The following ARSG variants were observed in gnomAD, a reference collection of about 807,000 sequenced individuals.
The protein encoded by ARSG is arylsulfatase G, also known as ASG.
ARSG carries 37 observed loss-of-function variants against 50.5 expected under a neutral mutation model. The ratio of observed to expected loss-of-function variants is 0.73; its 90% confidence interval spans 0.56 to 0.96. The LOEUF (loss-of-function observed/expected upper bound fraction) is 0.96. Ranked by LOEUF, ARSG falls within the 50% of genes least tolerant of loss-of-function variation. ARSG has a pLI of 0.00. For missense variants in ARSG, 629 were observed against 675.3 expected (o/e 0.93, Z 0.76); for synonymous variants, 225 against 254.6 (o/e 0.88, Z 1.11).
chr17:68,264,771 T>C (rs547079728), intron 1 of ARSG, among the ~76,000 whole-genome samples: 1 of 152,282 alleles, frequency 6.6e-6, no homozygotes, highest in East Asian at 1.9e-4. Flanking sequence ...ATTTTACTTT[T>C]GGGTAGAGAA....
intron 1 of ARSG, among the ~76,000 whole-genome samples, chr17:68,302,917 G>A (rs1165871854): frequency 6.6e-6 from 1 of 152,170 alleles, no homozygotes; most frequent in Non-Finnish European, 1.5e-5. Context: ...AGGGGTGAAT[G>A]CTGTATTTGC....
At chr17:68,314,023 G>C (rs1384605225) in intron 2 of ARSG, among the ~76,000 whole-genome samples, 1 of 152,010 alleles carries the variant, frequency 6.6e-6, no homozygotes, top group Non-Finnish European at 1.5e-5. Context: ...CTATAATGTA[G>C]TAGGTGGTCA....
At chr17:68,270,702 A>G in intron 1 of ARSG, 1 of 734,966 alleles carries the variant, frequency 1.4e-6, no homozygotes, top group Non-Finnish European at 2.2e-6. Context: ...GGCTCAGGTA[A>G]TCTCTAATCC....
At chr17:68,279,229 C>T (rs976239671) in intron 1 of ARSG, among the ~76,000 whole-genome samples, 1 of 151,986 alleles carries the variant, frequency 6.6e-6, no homozygotes. Flanking sequence ...CAAACATTGG[C>T]GGTGCATCCA....
intron 1 of ARSG, among the ~76,000 whole-genome samples, chr17:68,296,058 T>G (rs1555758054): frequency 6.6e-6 from 1 of 152,030 alleles, no homozygotes; most frequent in African/African-American, 2.4e-5. Flanking sequence ...GGCAACAGAG[T>G]AAGACCCTGT....
At chr17:68,450,976 G>C in the ARSG span, 1 of 1,516,534 alleles carries the variant, frequency 6.6e-7, no homozygotes, top group African/African-American at 1.4e-5. Flanking sequence ...CACTGGGCCC[G>C]GCGCAGGCCA....
chr17:68,422,012 G>T, downstream of ARSG: 1 of 627,790 alleles, frequency 1.6e-6, no homozygotes, highest in Non-Finnish European at 2.8e-6. Context: ...GTATGACACA[G>T]TTCTAGAAAA....
At chr17:68,409,507 C>A (rs2081906789) in intron 11 of ARSG, among the ~76,000 whole-genome samples, 1 of 151,958 alleles carries the variant, frequency 6.6e-6, no homozygotes, top group South Asian at 2.1e-4. Flanking sequence ...CAGTACCATG[C>A]TGTTTTGGTT....
chr17:68,262,863 T>C (rs555936663), intron 1 of ARSG, among the ~76,000 whole-genome samples: 5 of 152,210 alleles, frequency 3.3e-5, no homozygotes, highest in Non-Finnish European at 7.3e-5. Flanking sequence ...CCTAGTTTTA[T>C]ATCCATGCCC....
At chr17:68,425,982 A>G, downstream of ARSG, 1 of 965,666 alleles carries the variant, frequency 1.0e-6, no homozygotes, top group South Asian at 1.4e-5. Context: ...TAGATTAGAA[A>G]ACAGGGAAAG....
intron 9 of ARSG, among the ~76,000 whole-genome samples, chr17:68,388,403 G>T (rs72841846): frequency 0.075 from 11,469 of 151,974 alleles, 790 homozygotes; most frequent in East Asian, 0.23. Flanking sequence ...CAATTAAAAC[G>T]TTTCCAGACA....
chr17:68,277,172 C>T (rs2075550014), intron 1 of ARSG, among the ~76,000 whole-genome samples: 1 of 152,076 alleles, frequency 6.6e-6, no homozygotes, highest in African/African-American at 2.4e-5. Flanking sequence ...CACACTGTCG[C>T]CCAGGCTGGA....
chr17:68,408,150 T>C (rs1443098731), intron 11 of ARSG, among the ~76,000 whole-genome samples: 1 of 152,030 alleles, frequency 6.6e-6, no homozygotes, highest in Non-Finnish European at 1.5e-5. Flanking sequence ...ATACTTTAAG[T>C]TTTAGGGTAC....
At chr17:68,426,254 G>GGGGGCCCCCCCCCCC, downstream of ARSG, 2 of 816,916 alleles carry the variant, frequency 2.4e-6, no homozygotes, top group Non-Finnish European at 1.9e-6. Context: ...GGGAGCGGGG[G>GGGGGCCCCCCCCCCC]CTCAAATAAA....
chr17:68,436,656 A>C, the ARSG span, among the ~76,000 whole-genome samples: 3 of 152,200 alleles, frequency 2.0e-5, no homozygotes, highest in Non-Finnish European at 4.4e-5. Context: ...CAATAAAGCA[A>C]CTTCACAGGG....
At chr17:68,352,163 C>CAGAG (rs755040817) in intron 5 of ARSG, among the ~76,000 whole-genome samples, 7,447 of 44,076 alleles carry the variant, frequency 0.17, 535 homozygotes, top group Middle Eastern at 0.21. Flanking sequence ...GAGAGAGAGA[C>CAGAG]AGAGAGAGAG....
chr17:68,401,262 A>T (rs1003720435), intron 10 of ARSG, 98 bp from the exon 11 acceptor site: 1 of 1,047,646 alleles, frequency 9.5e-7, no homozygotes, highest in Non-Finnish European at 1.5e-6. Context: ...GGCTCAAGTG[A>T]TCCTCCTGCC....
At chr17:68,448,173 T>C in the ARSG span, 1 of 152,082 alleles carries the variant, frequency 6.6e-6, no homozygotes, top group South Asian at 2.1e-4. Flanking sequence ...TTCCCCAGAG[T>C]GGGCAGTCCT....
chr17:68,421,590 G>T, downstream of ARSG: 1 of 734,612 alleles, frequency 1.4e-6, no homozygotes, highest in Non-Finnish European at 2.3e-6. Flanking sequence ...GCGCCCATTG[G>T]CAACCAGGGT....
Sources: gnomAD v4.1 joint callset for allele counts (sites outside exome capture counted in the v4.1 genomes callset) on GRCh38, gnomAD v4.1.1 for gene constraint, MANE v1.5 for transcripts, NCBI Gene and HGNC (gene_info 2026-07-23, HGNC 2026-07-21) for gene names.